The following MIPOL1 variants were observed in gnomAD, a reference collection of about 807,000 sequenced individuals.
MIPOL1 encodes mirror-image polydactyly gene 1 protein.
A neutral mutation model predicts 60.9 loss-of-function variants in MIPOL1; 57 were observed. That is an observed-to-expected ratio of 0.94 (90% CI 0.76 to 1.17). The LOEUF is 1.17. Among genes scored for constraint, MIPOL1 ranks in the 50% most tolerant of loss-of-function variants. MIPOL1 has a pLI of 0.00. For synonymous variants in MIPOL1, 179 were observed against 168.8 expected (o/e 1.06, Z -0.47); for missense variants, 551 against 511.6 (o/e 1.08, Z -0.74).
chr14:37,495,545 G>A (rs1051613967), intron 11 of MIPOL1, among the ~76,000 whole-genome samples: 7 of 148,806 alleles, frequency 4.7e-5, no homozygotes, highest in Non-Finnish European at 1.0e-4. Flanking sequence ...GGACATTTGG[G>A]TTGGTTCCAA....
chr14:37,401,766 G>A (rs2093486553), intron 10 of MIPOL1: 1 of 152,024 alleles, frequency 6.6e-6, no homozygotes, highest in Admixed American at 6.6e-5. Context: ...CATTGTATAA[G>A]AATCAGTGGA....
chr14:37,473,181 T>TTCTC (rs1361245098), intron 11 of MIPOL1, among the ~76,000 whole-genome samples: 1 of 152,010 alleles, frequency 6.6e-6, no homozygotes, highest in Non-Finnish European at 1.5e-5. Context: ...TATTTGTTCT[T>TTCTC]TCTCGATTAA....
intron 9 of MIPOL1, among the ~76,000 whole-genome samples, chr14:37,311,618 C>G (rs1044550013): frequency 6.6e-6 from 1 of 152,026 alleles, no homozygotes; most frequent in African/African-American, 2.4e-5. Flanking sequence ...TGAATGGAAT[C>G]TTTTTTTAAC....
chr14:37,400,996 A>C (rs1039383959), intron 10 of MIPOL1: 1 of 152,132 alleles, frequency 6.6e-6, no homozygotes, highest in Non-Finnish European at 1.5e-5. Context: ...TAAAAGCAAA[A>C]ATAAGACTTC....
chr14:37,513,889 A>C (rs1193663005), intron 12 of MIPOL1, among the ~76,000 whole-genome samples: 1 of 152,216 alleles, frequency 6.6e-6, no homozygotes, highest in Non-Finnish European at 1.5e-5. Flanking sequence ...TGGAAGAAAA[A>C]GAACAAAAGA....
chr14:37,545,746 T>C (rs2095544989), intron 12 of MIPOL1: 3 of 590,968 alleles, frequency 5.1e-6, no homozygotes, highest in Non-Finnish European at 6.0e-6. Flanking sequence ...CATTCCTCAG[T>C]GGAACTTCCA....
chr14:37,450,384 A>G (rs994814919), intron 11 of MIPOL1, among the ~76,000 whole-genome samples: 1 of 152,204 alleles, frequency 6.6e-6, no homozygotes, highest in Admixed American at 6.5e-5. Context: ...AATTTTCTGA[A>G]TATAGAATTC....
Position 37,443,121 on chromosome 14 carries a change from A to G in MIPOL1, c.1031+20172A>G, listed in dbSNP as rs543202094. On this transcript the variant is annotated intron_variant, in intron 11 of 12. Transcript: ENST00000684589. The stretch of plus-strand genomic sequence containing the variant: ...CAGTGTGATATTAGCATAAGAATAG[A>G]CATCTTGAAATTTAGTAGAATTGGG... Among the ~76,000 whole-genome samples, 19 of 152,302 alleles carry G rather than the reference A, an allele frequency of 1.2e-4. No homozygotes were observed. The South Asian group carries it at 3.9e-3, about 32-fold the overall frequency.
intron 9 of MIPOL1, among the ~76,000 whole-genome samples, chr14:37,345,319 C>T (rs1328798199): frequency 4.6e-5 from 7 of 152,210 alleles, no homozygotes; most frequent in South Asian, 4.1e-4. Flanking sequence ...TTGCCCAGGC[C>T]GGTCTTGACT....
At chr14:37,512,505 A>T (rs2095336550) in intron 12 of MIPOL1, among the ~76,000 whole-genome samples, 1 of 150,938 alleles carries the variant, frequency 6.6e-6, no homozygotes, top group Admixed American at 6.6e-5. Context: ...TGCTATTTTC[A>T]TCAATACATT....
intron 7 of MIPOL1, among the ~76,000 whole-genome samples, chr14:37,307,684 G>A (rs902257083): frequency 6.6e-6 from 1 of 151,742 alleles, no homozygotes; most frequent in African/African-American, 2.4e-5. Context: ...ACTTATGATG[G>A]TGTCCAAAAA....
chr14:37,208,136 C>T (rs1966392018), intron 1 of MIPOL1, among the ~76,000 whole-genome samples: 1 of 152,086 alleles, frequency 6.6e-6, no homozygotes, highest in South Asian at 2.1e-4. Flanking sequence ...GTTTTGGATG[C>T]ATATAGTCAG....
intron 7 of MIPOL1, among the ~76,000 whole-genome samples, chr14:37,287,443 G>A (rs2084667641): frequency 6.6e-6 from 1 of 151,860 alleles, no homozygotes; most frequent in Non-Finnish European, 1.5e-5. Context: ...TTGTAGAGGT[G>A]GGGTCTCACT....
intron 1 of MIPOL1, among the ~76,000 whole-genome samples, chr14:37,226,726 C>T (rs1307499722): frequency 6.6e-6 from 1 of 152,040 alleles, no homozygotes; most frequent in African/African-American, 2.4e-5. Context: ...ATTGCTTGAG[C>T]CTGGGAGTTC....
intron 10 of MIPOL1, among the ~76,000 whole-genome samples, chr14:37,376,226 C>T (rs2153504404): frequency 6.6e-6 from 1 of 152,220 alleles, no homozygotes; most frequent in African/African-American, 2.4e-5. Context: ...TTAGAATTCA[C>T]TTGGTGTAGA....
intron 6 of MIPOL1, among the ~76,000 whole-genome samples, chr14:37,274,590 G>A (rs999760980): frequency 9.3e-5 from 14 of 151,272 alleles, no homozygotes; most frequent in African/African-American, 3.1e-4. Flanking sequence ...TTTTTGCCTG[G>A]TATTACTTCT....
chr14:37,278,242 T>C (rs1468868947), intron 6 of MIPOL1: 1 of 151,666 alleles, frequency 6.6e-6, no homozygotes, highest in Non-Finnish European at 1.5e-5. Flanking sequence ...GTGTGGGGCA[T>C]CTACCATCTA....
At chr14:37,338,040 A>G (rs1481565450) in intron 9 of MIPOL1, among the ~76,000 whole-genome samples, 1 of 150,936 alleles carries the variant, frequency 6.6e-6, no homozygotes, top group Non-Finnish European at 1.5e-5. Context: ...CATTTGTTGT[A>G]TGGTTTACAA....
chr14:37,480,828 A>C (rs985916454), intron 11 of MIPOL1, among the ~76,000 whole-genome samples: 1 of 152,024 alleles, frequency 6.6e-6, no homozygotes, highest in South Asian at 2.1e-4. Flanking sequence ...ACAAACAAAC[A>C]AAAAAAACCT....
Sources: gnomAD v4.1 joint callset for allele counts (sites outside exome capture counted in the v4.1 genomes callset) on GRCh38, gnomAD v4.1.1 for gene constraint, MANE v1.5 for transcripts, NCBI Gene and HGNC (gene_info 2026-07-23, HGNC 2026-07-21) for gene names.